The following FARP2 variants were observed in gnomAD, a reference collection of about 807,000 sequenced individuals.
The protein encoded by FARP2 is FERM, ARHGEF and pleckstrin domain-containing protein 2.
Under a neutral mutation model 130.5 loss-of-function variants are expected in FARP2, and 111 were observed. The observed-to-expected ratio is 0.85, with a 90% CI of 0.73 to 1.00. The LOEUF (loss-of-function observed/expected upper bound fraction) is 1.00. FARP2 is among the 50% of genes least tolerant of loss of function. The probability of loss-of-function intolerance (pLI) is 0.00; values close to 1 mark genes in which losing one functional copy is unlikely to be tolerated. For missense variants in FARP2, 1,385 were observed against 1,346.3 expected, an observed-to-expected ratio of 1.03 and a Z score of -0.45; for synonymous variants, 504 against 516.9, an observed-to-expected ratio of 0.98 and a Z score of 0.34.
At chr2:241,461,341 C>A (rs1236872560) in intron 14 of FARP2, among the ~76,000 whole-genome samples, 2 of 152,162 alleles carry the variant, frequency 1.3e-5, no homozygotes, top group African/African-American at 4.8e-5. Context: ...AGCCTCTCTG[C>A]CCTCCTGGTC....
At chr2:241,426,042 T>A (rs1334160392) in intron 8 of FARP2, among the ~76,000 whole-genome samples, 3 of 152,068 alleles carry the variant, frequency 2.0e-5, no homozygotes, top group African/African-American at 7.2e-5. Context: ...TTAAAAAATT[T>A]AACTACTACT....
rs373529501 is a variant in FARP2 at position 241,410,968 on chromosome 2, A to G, written c.411-65A>G. On this transcript the variant is annotated intron_variant, in intron 5 of 26. Transcript: ENST00000264042. Reference sequence around the variant, plus strand: ...TCATTTGCTGTCTTGCTGTGGAGACATGTCTATGTTACATTCAGAGAACAT... The same window carrying G: ...TCATTTGCTGTCTTGCTGTGGAGACGTGTCTATGTTACATTCAGAGAACAT... 10 of 1,118,390 alleles carry G rather than the reference A, an allele frequency of 8.9e-6. No individual in the cohort carries two copies. In the African/African-American group the frequency reaches 9.2e-5, roughly 10 times the overall value. 69.3% of individuals were successfully genotyped at this position (1,118,390 alleles called of 1,614,324 possible). A position where few individuals can be genotyped will look rare whatever the true frequency, so the allele number is the denominator to read the frequency against.
chr2:241,449,876 G>A lies in FARP2; in HGVS notation c.1412-6871G>A, dbSNP rs143229316. Among the ~76,000 whole-genome samples, 1,102 of 151,928 alleles carry A rather than the reference G, an allele frequency of 7.3e-3. 12 individuals are homozygous for A. The highest frequency in any genetic ancestry group is 0.025 in the African/African-American group (1,019 of 41,422). On this transcript the variant is annotated intron_variant, in intron 13 of 26. Coordinates refer to ENST00000264042, the MANE Select transcript of FARP2 (RefSeq NM_014808.4). Reference sequence around the variant, plus strand: ...ACAAAAATTAGCTAGGCATGGTGGCGGGTGCCTGTAATCCCAGCTATTCAG... The same window carrying A: ...ACAAAAATTAGCTAGGCATGGTGGCAGGTGCCTGTAATCCCAGCTATTCAG...
rs1373986137 is a variant in FARP2 at position 241,463,344 on chromosome 2, A to G, written c.1687A>G (p.Ser563Gly). Reference sequence around the variant, plus strand: ...CACACTCTTCCCACAGTGGTTCCGCAGCGCAGTGGTGAAGGAGGACGCCAT... The same window carrying G: ...CACACTCTTCCCACAGTGGTTCCGCGGCGCAGTGGTGAAGGAGGACGCCAT... ...DLEVITVWFR[S>G]AVVKEDAMPA... The change falls in exon 16 of 27, where the codon AGC becomes GGC. Residue 563 changes from serine (S) to glycine (G), a missense_variant. Transcript: ENST00000264042. 6.2e-7 allele frequency: 1 copy of G among 1,613,998 alleles called. No individual in the cohort carries two copies.
At chr2:241,401,902 G>T (rs1033495898) in intron 2 of FARP2, among the ~76,000 whole-genome samples, 1 of 151,688 alleles carries the variant, frequency 6.6e-6, no homozygotes, top group East Asian at 1.9e-4. Flanking sequence ...CTATTCTCCC[G>T]CCTCAGCCTC....
chr2:241,417,017 A>G (rs575866554), intron 7 of FARP2, among the ~76,000 whole-genome samples: 126 of 152,194 alleles, frequency 8.3e-4, no homozygotes, highest in African/African-American at 3.0e-3. Context: ...TGAAAAGGAG[A>G]TGGCCGGGCG....
intron 18 of FARP2, among the ~76,000 whole-genome samples, chr2:241,472,187 G>C (rs2064338886): frequency 6.6e-6 from 1 of 151,426 alleles, no homozygotes; most frequent in Non-Finnish European, 1.5e-5. Context: ...TGTTCTGAGG[G>C]GGATGCTGTT....
chr2:241,427,017 C>G (rs2062955984), intron 8 of FARP2, among the ~76,000 whole-genome samples: 1 of 152,148 alleles, frequency 6.6e-6, no homozygotes, highest in African/African-American at 2.4e-5. Context: ...GGTAGATCAC[C>G]TGAGGTCACA....
At chr2:241,430,914 T>C (rs901028867) in intron 8 of FARP2, among the ~76,000 whole-genome samples, 1 of 151,698 alleles carries the variant, frequency 6.6e-6, no homozygotes, top group Non-Finnish European at 1.5e-5. Flanking sequence ...GCAGGAGAAC[T>C]GCTTGAACCC....
rs2063922441 is a variant in FARP2 at position 241,458,406 on chromosome 2, T to A, written c.1587+1484T>A. Among the ~76,000 whole-genome samples, 3 of 152,160 alleles carry A rather than the reference T, an allele frequency of 2.0e-5. No homozygotes were observed. The South Asian group carries it at 6.2e-4, about 31-fold the overall frequency. On this transcript the variant is annotated intron_variant, in intron 14 of 26. Transcript: ENST00000264042. ...AGGCCTGCCTTCCAGATGCCAGGGCTACCCGTGGGATGCTGGGACTCTCAG... is the reference window on the plus strand; with the variant it reads ...AGGCCTGCCTTCCAGATGCCAGGGCAACCCGTGGGATGCTGGGACTCTCAG...
At chr2:241,413,162 TAAATA>T (rs529941888) in intron 6 of FARP2, 140 bp from the exon 7 acceptor site, 520 of 567,070 alleles carry the variant, frequency 9.2e-4, no homozygotes, top group Non-Finnish European at 1.3e-3. Context: ...TTGGAAAAAT[TAAATA>T]AAAAATCTTG....
chr2:241,415,578 G>T (rs2062643624), intron 7 of FARP2, among the ~76,000 whole-genome samples: 1 of 152,180 alleles, frequency 6.6e-6, no homozygotes, highest in African/African-American at 2.4e-5. Context: ...CCTGTGCAGT[G>T]GGTGAAATCA....
chr2:241,447,692 C>T (rs1391281266), intron 13 of FARP2, among the ~76,000 whole-genome samples: 1 of 152,184 alleles, frequency 6.6e-6, no homozygotes, highest in Admixed American at 6.5e-5. Context: ...AGGCTTTATT[C>T]CACTCTGAGC....
chr2:241,483,565 C>T (rs2064678305), intron 20 of FARP2, 32 bp downstream of exon 20: 2 of 1,599,134 alleles, frequency 1.3e-6, no homozygotes, highest in Admixed American at 3.3e-5. Context: ...GCTGTGCTTC[C>T]CCCCGAGGGG....
At chr2:241,474,528 C>T (rs10184024) in intron 18 of FARP2, among the ~76,000 whole-genome samples, 2,981 of 151,414 alleles carry the variant, frequency 0.02, 100 homozygotes, top group African/African-American at 0.069. Flanking sequence ...TGGTGGGTCA[C>T]GCTTATAATC....
At chr2:241,437,465 A>G (rs547128258) in intron 12 of FARP2, among the ~76,000 whole-genome samples, 1 of 151,942 alleles carries the variant, frequency 6.6e-6, no homozygotes, top group East Asian at 1.9e-4. Context: ...TGAATCTTGC[A>G]TGTTTTGTTT....
Position 241,377,578 on chromosome 2 carries a change from G to A in FARP2, c.183+4288G>A, listed in dbSNP as rs1020229513. Among the ~76,000 whole-genome samples the A allele has an allele frequency of 2.6e-5, 4 of 152,226 alleles. No individual in the cohort carries two copies. The East Asian group carries it at 5.8e-4, about 22-fold the overall frequency. On this transcript the variant is annotated intron_variant, in intron 2 of 26. Coordinates refer to ENST00000264042, the MANE Select transcript of FARP2 (RefSeq NM_014808.4). ...GGATGGTCTCGATCTCCTGACCTCAGGTGATCCACCTGCCTTGGCCTCCCA... is the reference window on the plus strand; with the variant it reads ...GGATGGTCTCGATCTCCTGACCTCAAGTGATCCACCTGCCTTGGCCTCCCA...
At chr2:241,370,503 G>A (rs1208152657) in intron 1 of FARP2, among the ~76,000 whole-genome samples, 2 of 151,714 alleles carry the variant, frequency 1.3e-5, no homozygotes, top group East Asian at 3.9e-4. Flanking sequence ...CATATTTCAG[G>A]GCATCATGTT....
chr2:241,493,220 C>T, intron 25 of FARP2, 73 bp from the exon 26 acceptor site: 1 of 1,502,950 alleles, frequency 6.7e-7, no homozygotes, highest in Non-Finnish European at 9.2e-7. Context: ...CACCGTTGTG[C>T]AGGTAGCAGA....
Sources: gnomAD v4.1 joint callset for allele counts (sites outside exome capture counted in the v4.1 genomes callset) on GRCh38, gnomAD v4.1.1 for gene constraint, MANE v1.5 for transcripts, NCBI Gene and HGNC (gene_info 2026-07-23, HGNC 2026-07-21) for gene names.